The following NRXN1 variants were observed in gnomAD, a reference collection of about 807,000 sequenced individuals.
The protein encoded by NRXN1 is neurexin 1, also known as neurexin-1.
Under a neutral mutation model 150.9 loss-of-function variants are expected in NRXN1, and 39 were observed. The ratio of observed to expected loss-of-function variants is 0.26; its 90% CI spans 0.20 to 0.34. The LOEUF is 0.34. Ranked by LOEUF, NRXN1 falls within the 10% of genes least tolerant of loss-of-function variation. The pLI is 1.00. For missense variants in NRXN1, 1,815 were observed against 1,949.9 expected, an observed-to-expected ratio of 0.93 and a Z score of 1.30; for synonymous variants, 924 against 757.0, an observed-to-expected ratio of 1.22 and a Z score of -3.62.
chr2:50,969,260 AAT>A (rs1694622169), intron 2 of NRXN1, among the ~76,000 whole-genome samples: 1 of 152,142 alleles, frequency 6.6e-6, no homozygotes, highest in Non-Finnish European at 1.5e-5. Context: ...TTTCCTCAAT[AAT>A]ATGAGACTTA....
intron 5 of NRXN1, among the ~76,000 whole-genome samples, chr2:50,812,225 G>C (rs1200058930): frequency 6.6e-6 from 1 of 152,100 alleles, no homozygotes; most frequent in African/African-American, 2.4e-5. Flanking sequence ...TTGTGAATAG[G>C]AGAACATATA....
chr2:50,316,327 TG>T (rs1481141729), intron 17 of NRXN1, among the ~76,000 whole-genome samples: 2 of 152,012 alleles, frequency 1.3e-5, no homozygotes, highest in African/African-American at 4.8e-5. Flanking sequence ...CCTGGTGACT[TG>T]TATTGGGAAT....
In NRXN1 at chr2:50,887,181, T is replaced by C. The variant is rs570526626; in HGVS notation, c.832+34688A>G. Among the ~76,000 whole-genome samples the C allele has an allele frequency of 1.1e-4, 16 of 151,594 alleles. No individual in the cohort carries two copies. The East Asian group carries it at 2.9e-3, about 28-fold the overall frequency. ...TGGATTTGACCAACTACAATTACGTTAGACTGTTCTCCATTTCTAAATAAA... is the reference window on the plus strand; with the variant it reads ...TGGATTTGACCAACTACAATTACGTCAGACTGTTCTCCATTTCTAAATAAA... On this transcript the variant is annotated intron_variant, in intron 5 of 22. Transcript: ENST00000401669.
intron 2 of NRXN1, among the ~76,000 whole-genome samples, chr2:51,021,451 C>T (rs941016121): frequency 6.6e-5 from 10 of 151,818 alleles, no homozygotes; most frequent in East Asian, 1.9e-4. Flanking sequence ...TTATACAGTG[C>T]CAGTTCTTTC....
At chr2:50,045,889 C>T (rs1376811053) in intron 21 of NRXN1, among the ~76,000 whole-genome samples, 2 of 152,056 alleles carry the variant, frequency 1.3e-5, no homozygotes, top group Non-Finnish European at 2.9e-5. Context: ...AAAGAGATAT[C>T]GAGAATCATG....
intron 18 of NRXN1, among the ~76,000 whole-genome samples, chr2:50,125,967 CG>C (rs1704528964): frequency 6.6e-6 from 1 of 152,010 alleles, no homozygotes; most frequent in Non-Finnish European, 1.5e-5. Context: ...GTAACTTATA[CG>C]TGACCTGTTT....
chr2:50,497,877 T>C (rs1275249476), intron 13 of NRXN1, among the ~76,000 whole-genome samples, 163 bp from the exon 14 acceptor site: 1 of 152,184 alleles, frequency 6.6e-6, no homozygotes, highest in Non-Finnish European at 1.5e-5. Context: ...AAGGTAAGCC[T>C]AGATTATATA....
intron 21 of NRXN1, among the ~76,000 whole-genome samples, chr2:50,026,655 T>A (rs866843308): frequency 1.3e-5 from 2 of 151,960 alleles, no homozygotes; most frequent in African/African-American, 2.4e-5. Flanking sequence ...CATAGAATTT[T>A]AAAAAAATTC....
intron 18 of NRXN1, among the ~76,000 whole-genome samples, chr2:50,105,840 G>A (rs182852449): frequency 1.6e-4 from 25 of 151,820 alleles, no homozygotes; most frequent in Admixed American, 4.6e-4. Context: ...CCACTGCATG[G>A]TACTATTACA....
intron 21 of NRXN1, among the ~76,000 whole-genome samples, chr2:49,946,075 T>C (rs1672839319): frequency 6.6e-6 from 1 of 152,210 alleles, no homozygotes; most frequent in South Asian, 2.1e-4. Flanking sequence ...ATGATTGCCA[T>C]TCTAACTGGC....
At chr2:49,993,767 G>A (rs1050199540) in intron 21 of NRXN1, among the ~76,000 whole-genome samples, 5 of 152,102 alleles carry the variant, frequency 3.3e-5, no homozygotes, top group African/African-American at 9.7e-5. Flanking sequence ...ATAGAAAAAC[G>A]TAAGGCAATT....
chr2:50,137,459 A>G (rs1426488063), intron 18 of NRXN1, among the ~76,000 whole-genome samples: 1 of 152,156 alleles, frequency 6.6e-6, no homozygotes, highest in Non-Finnish European at 1.5e-5. Flanking sequence ...TGAAATTCCA[A>G]GCAAAGCCTC....
intron 10 of NRXN1, among the ~76,000 whole-genome samples, chr2:50,532,687 G>A (rs1442606941): frequency 6.6e-6 from 1 of 152,092 alleles, no homozygotes; most frequent in Admixed American, 6.6e-5. Context: ...TTGTGAGGAT[G>A]TTTGTTACTA....
intron 5 of NRXN1, among the ~76,000 whole-genome samples, chr2:50,784,074 G>T (rs1443382888): frequency 2.0e-5 from 3 of 152,100 alleles, no homozygotes; most frequent in African/African-American, 7.2e-5. Flanking sequence ...TTGTGGTTTT[G>T]TTAGTTAAAA....
At chr2:50,515,600 G>GGTGTGTGTGTGTGTGTGTGTGT (rs60612860) in intron 12 of NRXN1, among the ~76,000 whole-genome samples, 62 of 143,508 alleles carry the variant, frequency 4.3e-4, no homozygotes, top group African/African-American at 1.5e-3. Context: ...AAATGCTTGG[G>GGTGTGTGTGTGTGTGTGTGTGT]GTGTGTGTGT....
chr2:50,563,852 C>T (rs2105411145), intron 8 of NRXN1, among the ~76,000 whole-genome samples: 1 of 152,234 alleles, frequency 6.6e-6, no homozygotes, highest in Non-Finnish European at 1.5e-5. Context: ...GCATGAATCC[C>T]CTTTCTTTCC....
chr2:50,640,802 C>T (rs1227031169), intron 5 of NRXN1, among the ~76,000 whole-genome samples: 2 of 152,134 alleles, frequency 1.3e-5, no homozygotes, highest in Admixed American at 6.6e-5. Context: ...AATTTATGAT[C>T]GTAGCCTATC....
At chr2:50,373,573 C>T (rs972132754) in intron 17 of NRXN1, among the ~76,000 whole-genome samples, 1 of 140,586 alleles carries the variant, frequency 7.1e-6, no homozygotes, top group South Asian at 2.3e-4. Context: ...TATAGAGAGC[C>T]CTGAATTTGG....
intron 18 of NRXN1, among the ~76,000 whole-genome samples, chr2:50,167,854 G>A (rs1348586756): frequency 6.6e-6 from 1 of 152,056 alleles, no homozygotes; most frequent in African/African-American, 2.4e-5. Context: ...CTGAGCTATG[G>A]TCCAGGATTA....
Sources: allele counts gnomAD v4.1 joint callset (sites outside exome capture counted in the v4.1 genomes callset), GRCh38; gene constraint gnomAD v4.1.1; transcripts MANE v1.5; gene names NCBI Gene and HGNC (gene_info 2026-07-23, HGNC 2026-07-21).